TSHR: variants seen among roughly 807,000 people sequenced by gnomAD.
TSHR encodes thyroid stimulating hormone receptor, also known as thyrotropin receptor.
In TSHR, 51 loss-of-function variants were observed where a neutral mutation model predicts 64.1. The ratio of observed to expected loss-of-function variants is 0.80; its 90% CI spans 0.64 to 1.01. The LOEUF is 1.01. Among genes scored for constraint, TSHR ranks in the 50% least tolerant of loss-of-function variants. TSHR has a pLI of 0.00. For missense variants in TSHR, 877 were observed against 942.8 expected, an observed-to-expected ratio of 0.93 and a Z score of 0.91; for synonymous variants, 361 against 361.9, an observed-to-expected ratio of 1.00 and a Z score of 0.03.
intron 1 of TSHR, chr14:80,992,678 A>C (rs1888803109): frequency 6.6e-6 from 1 of 152,240 alleles, no homozygotes; most frequent in Non-Finnish European, 1.5e-5. Flanking sequence ...TAATCTCAGC[A>C]GACTGTGCTG....
At chr14:81,123,089 T>TA (rs1890873161) in intron 8 of TSHR, among the ~76,000 whole-genome samples, 1 of 151,818 alleles carries the variant, frequency 6.6e-6, no homozygotes, top group African/African-American at 2.4e-5. Flanking sequence ...ATTGCACCAT[T>TA]GTACTGTAGC....
At chr14:81,095,491 T>G (rs1889105506) in intron 6 of TSHR, 3 of 152,304 alleles carry the variant, frequency 2.0e-5, no homozygotes, top group Non-Finnish European at 4.4e-5. Flanking sequence ...GAGAATTGCT[T>G]GAACCCGGGA....
chr14:81,032,442 A>G, intron 1 of TSHR: 1 of 294,572 alleles, frequency 3.4e-6, no homozygotes. Context: ...CTTGCAAGAC[A>G]CTTCAGGTTC....
At chr14:81,006,884 A>G (rs920568416) in intron 1 of TSHR, among the ~76,000 whole-genome samples, 4 of 152,184 alleles carry the variant, frequency 2.6e-5, no homozygotes, top group African/African-American at 9.6e-5. Context: ...GACACAAGTT[A>G]GCCCCTAACA....
rs150920883 is a variant in TSHR, at chr14:81,067,408, T to C, written c.243-846T>C. 6.0e-5 allele frequency among the ~76,000 whole-genome samples: 9 copies of C among 151,036 alleles called. No homozygotes were observed. In the East Asian group the frequency reaches 1.6e-3, roughly 26 times the overall value. On this transcript the variant is annotated intron_variant, in intron 2 of 9. Coordinates refer to ENST00000298171, the MANE Select transcript of TSHR (RefSeq NM_000369.5). Reference sequence around the variant, plus strand: ...TCTGCATTTCAGAGAACTTACAGTCTAGTGAGACAACAGAAATATCACCCA... The same window carrying C: ...TCTGCATTTCAGAGAACTTACAGTCCAGTGAGACAACAGAAATATCACCCA...
At chr14:81,125,204 A>C (rs1890967281) in intron 8 of TSHR, among the ~76,000 whole-genome samples, 1 of 152,224 alleles carries the variant, frequency 6.6e-6, no homozygotes, top group African/African-American at 2.4e-5. Context: ...TAAAGGAGAT[A>C]GTATTTGAGA....
At chr14:81,117,299 GA>G (rs1237923803) in intron 8 of TSHR, among the ~76,000 whole-genome samples, 2 of 123,154 alleles carry the variant, frequency 1.6e-5, no homozygotes, top group Non-Finnish European at 3.2e-5. Flanking sequence ...GACTACTAAA[GA>G]AAAAAAGAGA....
intron 8 of TSHR, among the ~76,000 whole-genome samples, chr14:81,122,466 T>C (rs1413883397): frequency 6.7e-6 from 1 of 148,794 alleles, no homozygotes; most frequent in Non-Finnish European, 1.5e-5. Flanking sequence ...AAACAAACAG[T>C]TACATGACAA....
At chr14:81,002,649 T>C (rs1594939394) in intron 1 of TSHR, among the ~76,000 whole-genome samples, 1 of 152,214 alleles carries the variant, frequency 6.6e-6, no homozygotes, top group East Asian at 1.9e-4. Context: ...TCCATTTTCT[T>C]CCACTCATGC....
intron 8 of TSHR, among the ~76,000 whole-genome samples, chr14:81,109,804 G>GC (rs1890145011): frequency 1.1e-5 from 1 of 87,702 alleles, no homozygotes; most frequent in Non-Finnish European, 2.6e-5. Flanking sequence ...CCACGTGGGG[G>GC]TTACTGTTAA....
intron 3 of TSHR, among the ~76,000 whole-genome samples, chr14:81,072,760 G>C (rs989436819): frequency 2.9e-5 from 4 of 138,378 alleles, no homozygotes; most frequent in Non-Finnish European, 5.9e-5. Flanking sequence ...AGCTTTGGGA[G>C]GCCGAGGCGG....
chr14:81,093,509 G>A (rs554583356), intron 6 of TSHR: 1 of 152,342 alleles, frequency 6.6e-6, no homozygotes, highest in Non-Finnish European at 1.5e-5. Context: ...TGTCACCCCA[G>A]TTTCATTTCT....
intron 1 of TSHR, among the ~76,000 whole-genome samples, chr14:81,044,397 G>C (rs142028531): frequency 6.6e-6 from 1 of 152,128 alleles, no homozygotes; most frequent in Admixed American, 6.5e-5. Flanking sequence ...AGTGGCTCAT[G>C]CCTGTAATCC....
In TSHR at chr14:81,143,913, G is replaced by A; in HGVS notation, c.1855G>A (p.Asp619Asn). The A allele has an allele frequency of 6.2e-7, 1 of 1,614,224 alleles. No individual in the cohort carries two copies. Among genetic ancestry groups the A allele is most frequent in the Non-Finnish European group, 8.5e-7 (1 of 1,180,042 alleles). ...TCCGCAGTACAACCCAGGGGACAAA[G>A]ATACCAAAATTGCCAAGAGGATGGC... ...RNPQYNPGDK[D>N]TKIAKRMAVL... The change falls in exon 10 of 10, where the codon GAT becomes AAT. Residue 619 changes from aspartate to asparagine, a missense_variant. Transcript: ENST00000298171.
intron 3 of TSHR, among the ~76,000 whole-genome samples, chr14:81,076,901 G>A (rs916926228): frequency 6.6e-6 from 1 of 152,088 alleles, no homozygotes; most frequent in Non-Finnish European, 1.5e-5. Flanking sequence ...GCTGGTTCCT[G>A]CCCACCTCTG....
At chr14:81,024,310 G>A (rs377572646) in intron 1 of TSHR, among the ~76,000 whole-genome samples, 18 of 151,972 alleles carry the variant, frequency 1.2e-4, no homozygotes, top group African/African-American at 3.1e-4. Context: ...GTGCAGTGGC[G>A]CAATCTCGGC....
At chr14:80,973,429 A>AAAAAAAAAAAAC (rs1566743346) in intron 1 of TSHR, among the ~76,000 whole-genome samples, 3 of 146,342 alleles carry the variant, frequency 2.0e-5, no homozygotes, top group East Asian at 2.1e-4. Context: ...AAAAAAAAAA[A>AAAAAAAAAAAAC]TCTGTGTACT....
rs1220202868 is a variant in TSHR at position 81,130,529 on chromosome 14, GA to G, written c.693-9149del. Among the ~76,000 whole-genome samples the G allele has an allele frequency of 5.9e-5, 9 of 151,988 alleles. No individual in the cohort carries two copies. The South Asian group carries it at 1.7e-3, about 28-fold the overall frequency. The stretch of plus-strand genomic sequence containing the variant: ...TCTAGCTCTTCTTCTTCTTCTTCCT[GA>G]TCTCTTAATGTTGGAGTGCCCCAGG... On this transcript the variant is annotated intron_variant, in intron 8 of 9. Transcript: ENST00000298171.
intron 1 of TSHR, among the ~76,000 whole-genome samples, chr14:80,978,339 C>T (rs1021793171): frequency 6.6e-6 from 1 of 152,192 alleles, no homozygotes; most frequent in Non-Finnish European, 1.5e-5. Flanking sequence ...CTCATTTTAC[C>T]TCCTGCTTTC....
Sources: allele counts gnomAD v4.1 joint callset (sites outside exome capture counted in the v4.1 genomes callset), GRCh38; gene constraint gnomAD v4.1.1; transcripts MANE v1.5; gene names NCBI Gene and HGNC (gene_info 2026-07-23, HGNC 2026-07-21).